Variants in GAP43 observed in about 807,000 individuals in gnomAD.
GAP43 encodes the protein growth associated protein 43.
GAP43 carries 6 observed loss-of-function variants against 18.6 expected under a neutral mutation model. That is an observed-to-expected ratio of 0.32 (90% CI 0.18 to 0.64). The LOEUF (loss-of-function observed/expected upper bound fraction) is 0.64. Among genes scored for constraint, GAP43 ranks in the 30% least tolerant of loss-of-function variants. The probability of loss-of-function intolerance (pLI) is 0.78; values close to 1 mark genes in which losing one functional copy is unlikely to be tolerated. For synonymous variants in GAP43, 115 were observed against 111.4 expected (o/e 1.03, Z -0.20); for missense variants, 292 against 295.5 (o/e 0.99, Z 0.09).
chr3:115,702,871 C>G (rs1325316046), intron 2 of GAP43, among the ~76,000 whole-genome samples: 1 of 152,066 alleles, frequency 6.6e-6, no homozygotes, highest in African/African-American at 2.4e-5. Context: ...GCCCTTGTTA[C>G]AGGTAAAGAA....
chr3:115,683,157 A>C (rs767766072), intron 2 of GAP43, among the ~76,000 whole-genome samples: 1 of 146,856 alleles, frequency 6.8e-6, no homozygotes, highest in Non-Finnish European at 1.5e-5. Flanking sequence ...GCACACACAC[A>C]CACACACACA....
chr3:115,665,989 AGTGTGTGTGTGTGTGT>A (rs34314907), intron 1 of GAP43, among the ~76,000 whole-genome samples: 1 of 61,672 alleles, frequency 1.6e-5, no homozygotes, highest in South Asian at 4.9e-4. Context: ...TGGCTAAATG[AGTGTGTGTGTGTGTGT>A]GTGTGTGTGT....
chr3:115,712,100 C>G (rs1253857255), intron 2 of GAP43, among the ~76,000 whole-genome samples: 3 of 152,086 alleles, frequency 2.0e-5, no homozygotes, highest in East Asian at 3.9e-4. Context: ...CAAGGCTAGT[C>G]AACTTGTACC....
At chr3:115,673,236 A>T (rs1171371622) in intron 1 of GAP43, among the ~76,000 whole-genome samples, 1 of 152,196 alleles carries the variant, frequency 6.6e-6, no homozygotes, top group Non-Finnish European at 1.5e-5. Flanking sequence ...TGAGAGAGAG[A>T]GAAAGAGAAA....
chr3:115,635,617 G>T (rs1192509374), intron 1 of GAP43, among the ~76,000 whole-genome samples: 1 of 151,778 alleles, frequency 6.6e-6, no homozygotes, highest in Non-Finnish European at 1.5e-5. Flanking sequence ...ACCACAGATG[G>T]CTCAGACCTC....
At chr3:115,692,893 G>GT (rs1211690698) in intron 2 of GAP43, among the ~76,000 whole-genome samples, 1 of 152,154 alleles carries the variant, frequency 6.6e-6, no homozygotes, top group Non-Finnish European at 1.5e-5. Context: ...TGTAGACTGA[G>GT]TTTTTGGTCA....
intron 1 of GAP43, among the ~76,000 whole-genome samples, chr3:115,665,381 T>C (rs1708720257): frequency 6.6e-6 from 1 of 152,188 alleles, no homozygotes; most frequent in South Asian, 2.1e-4. Flanking sequence ...AATTCTTAGA[T>C]TGAATTTTCT....
Position 115,721,026 on chromosome 3 carries a change from T to C in GAP43, c.*144T>C. ...TCCTTTCCCACCCACTAGCCCTCTT[T>C]CTCTCTGTGTGGCAAACATTTAAAA... On this transcript the variant is annotated 3_prime_UTR_variant, in exon 3 of 3. Transcript: ENST00000305124. The C allele has an allele frequency of 2.5e-6, 1 of 403,510 alleles. No individual in the cohort carries two copies. The highest frequency in any genetic ancestry group is 4.5e-6 in the Non-Finnish European group (1 of 221,684). The allele number at this position is 403,510 out of a possible 1,614,324, so 25.0% of individuals were successfully genotyped here. A position where few individuals can be genotyped will look rare whatever the true frequency, so the allele number is the denominator to read the frequency against.
chr3:115,685,379 G>A (rs1709019923), intron 2 of GAP43, among the ~76,000 whole-genome samples: 1 of 152,144 alleles, frequency 6.6e-6, no homozygotes, highest in African/African-American at 2.4e-5. Flanking sequence ...AGGTTCCTTG[G>A]CTTCCTTTCC....
intron 2 of GAP43, among the ~76,000 whole-genome samples, chr3:115,690,581 T>G (rs892810167): frequency 1.2e-4 from 19 of 152,118 alleles, no homozygotes; most frequent in Non-Finnish European, 2.6e-4. Context: ...ACAGTTGTGA[T>G]GAGGATTTAA....
chr3:115,662,485 G>T (rs1249371311), intron 1 of GAP43, among the ~76,000 whole-genome samples: 4 of 152,138 alleles, frequency 2.6e-5, no homozygotes, highest in Admixed American at 6.5e-5. Flanking sequence ...TTTCTATGTA[G>T]TAACTGTCAA....
intron 2 of GAP43, 74 bp downstream of exon 2, chr3:115,676,684 G>C: frequency 7.3e-7 from 1 of 1,370,650 alleles, no homozygotes; most frequent in Non-Finnish European, 9.7e-7. Context: ...CAGGCCACCT[G>C]GGTCATTGAG....
At chr3:115,715,574 C>G (rs1709493152) in intron 2 of GAP43, among the ~76,000 whole-genome samples, 1 of 152,190 alleles carries the variant, frequency 6.6e-6, no homozygotes, top group African/African-American at 2.4e-5. Flanking sequence ...TGGCCCCAGC[C>G]ATTCATTTGT....
chr3:115,687,896 G>A (rs1346528013), intron 2 of GAP43, among the ~76,000 whole-genome samples: 1 of 152,104 alleles, frequency 6.6e-6, no homozygotes, highest in Non-Finnish European at 1.5e-5. Context: ...AGCTTGAATT[G>A]TTTATTTTAC....
intron 1 of GAP43, among the ~76,000 whole-genome samples, chr3:115,637,309 T>TA (rs1383946516): frequency 6.6e-6 from 1 of 152,108 alleles, no homozygotes; most frequent in African/African-American, 2.4e-5. Flanking sequence ...ACACATATTG[T>TA]ATCTACTCTG....
chr3:115,704,922 A>G (rs1424622488), intron 2 of GAP43, among the ~76,000 whole-genome samples: 3 of 152,166 alleles, frequency 2.0e-5, no homozygotes, highest in African/African-American at 7.2e-5. Context: ...ATGAACAACT[A>G]CAAGCTGAGT....
chr3:115,683,163 A>ACG (rs1708985799), intron 2 of GAP43, among the ~76,000 whole-genome samples: 1 of 150,492 alleles, frequency 6.6e-6, no homozygotes, highest in East Asian at 1.9e-4. Flanking sequence ...ACACACACAC[A>ACG]CACACACACA....
At chr3:115,705,200 G>A (rs73858064) in intron 2 of GAP43, among the ~76,000 whole-genome samples, 2,352 of 152,210 alleles carry the variant, frequency 0.015, 56 homozygotes, top group African/African-American at 0.053. Context: ...AAATTTAAAT[G>A]TTACCCAAGC....
chr3:115,698,343 C>T (rs1289437198), intron 2 of GAP43, among the ~76,000 whole-genome samples: 22 of 49,966 alleles, frequency 4.4e-4, no homozygotes, highest in African/African-American at 1.0e-3. Flanking sequence ...CCAGTTCTGT[C>T]GGTCATGATC....
Sources: gnomAD v4.1 joint callset for allele counts (sites outside exome capture counted in the v4.1 genomes callset) on GRCh38, gnomAD v4.1.1 for gene constraint, MANE v1.5 for transcripts, NCBI Gene and HGNC (gene_info 2026-07-23, HGNC 2026-07-21) for gene names.